The following CPA3 variants were observed in gnomAD, a reference collection of about 807,000 sequenced individuals.
The protein encoded by CPA3 is mast cell carboxypeptidase A.
Under a neutral mutation model 55.8 loss-of-function variants are expected in CPA3, and 52 were observed. The observed-to-expected ratio is 0.93, with a 90% CI of 0.75 to 1.17. The LOEUF (loss-of-function observed/expected upper bound fraction) is 1.17, where lower values mean the gene tolerates loss of function less well. Among genes scored for constraint, CPA3 ranks in the 50% most tolerant of loss-of-function variants. The probability of loss-of-function intolerance (pLI) is 0.00; values close to 1 mark genes in which losing one functional copy is unlikely to be tolerated. For synonymous variants in CPA3, 179 were observed against 171.2 expected (o/e 1.05, Z -0.36); for missense variants, 547 against 509.1 (o/e 1.07, Z -0.72).
intron 3 of CPA3, among the ~76,000 whole-genome samples, chr3:148,877,787 C>A (rs913883750): frequency 6.6e-6 from 1 of 152,140 alleles, no homozygotes; most frequent in Admixed American, 6.5e-5. Context: ...GTGCTAAGTA[C>A]CTGCTTACTA....
chr3:148,887,205 T>C (rs71304427), intron 10 of CPA3, among the ~76,000 whole-genome samples: 5,278 of 152,278 alleles, frequency 0.035, 170 homozygotes, highest in East Asian at 0.14. Context: ...CGGAGAATCA[T>C]AGCTCAAAAA....
intron 2 of CPA3, among the ~76,000 whole-genome samples, chr3:148,866,685 G>A (rs1178484688): frequency 6.6e-6 from 1 of 152,172 alleles, no homozygotes; most frequent in African/African-American, 2.4e-5. Context: ...TCCTAGGGTT[G>A]CTACAAAGAC....
At chr3:148,896,339 CCAAAGT>C (rs1278251960) in intron 10 of CPA3, among the ~76,000 whole-genome samples, 175 bp from the exon 11 acceptor site, 2 of 152,164 alleles carry the variant, frequency 1.3e-5, no homozygotes, top group Non-Finnish European at 2.9e-5. Context: ...TGGGTGGATT[CCAAAGT>C]CATGATTATG....
chr3:148,878,415 T>C (rs751779500), intron 3 of CPA3, 26 bp from the exon 4 acceptor site: 1 of 1,430,306 alleles, frequency 7.0e-7, no homozygotes, highest in Non-Finnish European at 9.9e-7. Flanking sequence ...ATAAAACATG[T>C]ATTTTATCAT....
intron 10 of CPA3, among the ~76,000 whole-genome samples, chr3:148,889,843 C>T (rs1416600405): frequency 2.4e-5 from 3 of 123,620 alleles, no homozygotes; most frequent in African/African-American, 9.4e-5. Context: ...GCACTTCAGC[C>T]TGGGTGAAAG....
At chr3:148,878,581 C>G (rs368273938) in intron 4 of CPA3, 38 bp downstream of exon 4, 7 of 1,560,158 alleles carry the variant, frequency 4.5e-6, no homozygotes, top group African/African-American at 1.4e-5. Flanking sequence ...TTTAAGTTAC[C>G]CTTAATATTT....
intron 9 of CPA3, among the ~76,000 whole-genome samples, chr3:148,885,766 A>G (rs2108037274): frequency 6.6e-6 from 1 of 152,192 alleles, no homozygotes; most frequent in South Asian, 2.1e-4. Context: ...TTAACCATTT[A>G]TTTTATTTTG....
intron 6 of CPA3, among the ~76,000 whole-genome samples, chr3:148,880,208 T>G (rs569043794): frequency 2.0e-5 from 3 of 152,196 alleles, no homozygotes; most frequent in Non-Finnish European, 4.4e-5. Flanking sequence ...AATGTAACTT[T>G]TCTTCAATGA....
intron 9 of CPA3, among the ~76,000 whole-genome samples, chr3:148,884,803 C>A (rs564555550): frequency 1.3e-5 from 2 of 150,958 alleles, no homozygotes; most frequent in East Asian, 3.9e-4. Flanking sequence ...TACCAATGTA[C>A]AGCACTGTGA....
intron 10 of CPA3, among the ~76,000 whole-genome samples, chr3:148,887,922 A>G (rs796663751): frequency 2.8e-4 from 43 of 152,306 alleles, no homozygotes; most frequent in African/African-American, 9.1e-4. Context: ...GTGAGTTGAA[A>G]CCACAACAGT....
chr3:148,883,784 C>T lies in CPA3; in HGVS notation c.950C>T (p.Thr317Ile), dbSNP rs142588358. ...ATGCTATTGTTTCCCTATGGATATA[C>T]ATCAAAACTGCCACCTAACCATGAG... ...SQMLLFPYGY[T>I]SKLPPNHEDL... The change falls in exon 9 of 11, where the codon ACA becomes ATA. Residue 317 changes from threonine to isoleucine, a missense_variant. Coordinates refer to ENST00000296046, the MANE Select transcript of CPA3 (RefSeq NM_001870.4). 1,288 of 1,614,032 alleles carry T rather than the reference C, an allele frequency of 8.0e-4. 10 individuals are homozygous for T. In the South Asian group the frequency reaches 9.3e-3, roughly 12 times the overall value.
rs1335907788 is a variant in CPA3 at position 148,868,961 on chromosome 3, T to C, written c.191T>C (p.Met64Thr). Residue 64 changes from methionine to threonine, a missense_variant, in exon 3 of 11, where the codon ATG becomes ACG. By Grantham distance (81) the Met-to-Thr change is moderately conservative. Coordinates refer to ENST00000296046, the MANE Select transcript of CPA3 (RefSeq NM_001870.4). Reference sequence around the variant, plus strand: ...GCCACCCACCACGTAGCTGCTAATATGATGGTGGATTTCCGAGTTAGTGAG... The same window carrying C: ...GCCACCCACCACGTAGCTGCTAATACGATGGTGGATTTCCGAGTTAGTGAG... ...PGATHHVAAN[M>T]MVDFRVSEKE... The C allele has an allele frequency of 4.3e-6, 7 of 1,614,102 alleles. No individual in the cohort carries two copies. In the African/African-American group the frequency reaches 5.3e-5, roughly 12 times the overall value.
chr3:148,874,717 A>C (rs1489081384), intron 3 of CPA3, among the ~76,000 whole-genome samples: 1 of 152,242 alleles, frequency 6.6e-6, no homozygotes, highest in African/African-American at 2.4e-5. Flanking sequence ...TGTGTTCCAC[A>C]TCAGAACTCA....
intron 6 of CPA3, 167 bp from the exon 7 acceptor site, chr3:148,881,355 T>C (rs1576582578): frequency 4.1e-6 from 2 of 493,808 alleles, no homozygotes; most frequent in South Asian, 3.8e-5. Flanking sequence ...TAGGTTTTTT[T>C]CCCCTTTAAA....
At chr3:148,878,416 A>G (rs755072183) in intron 3 of CPA3, 25 bp from the exon 4 acceptor site, 3 of 1,448,758 alleles carry the variant, frequency 2.1e-6, no homozygotes, top group Non-Finnish European at 2.9e-6. Context: ...TAAAACATGT[A>G]TTTTATCATT....
At chr3:148,875,705 A>G (rs749392140) in intron 3 of CPA3, among the ~76,000 whole-genome samples, 1 of 152,216 alleles carries the variant, frequency 6.6e-6, no homozygotes, top group Non-Finnish European at 1.5e-5. Context: ...TAAGACAGAC[A>G]AGATTTTTTG....
intron 10 of CPA3, among the ~76,000 whole-genome samples, chr3:148,891,131 T>G (rs917659547): frequency 6.6e-6 from 1 of 152,208 alleles, no homozygotes; most frequent in Non-Finnish European, 1.5e-5. Context: ...AGCCTAGGTT[T>G]CTTCTTCGGT....
chr3:148,874,787 G>C (rs762521741), intron 3 of CPA3, among the ~76,000 whole-genome samples: 7 of 152,200 alleles, frequency 4.6e-5, no homozygotes, highest in Non-Finnish European at 8.8e-5. Context: ...AGCAGTGTCA[G>C]TGTCATAGCT....
intron 9 of CPA3, among the ~76,000 whole-genome samples, chr3:148,884,531 T>C (rs1410804814): frequency 6.6e-6 from 1 of 152,184 alleles, no homozygotes; most frequent in Admixed American, 6.5e-5. Flanking sequence ...TTGGCAAATA[T>C]AGCACTTTCA....
Sources: gnomAD v4.1 joint callset for allele counts (sites outside exome capture counted in the v4.1 genomes callset) on GRCh38, gnomAD v4.1.1 for gene constraint, MANE v1.5 for transcripts, NCBI Gene and HGNC (gene_info 2026-07-23, HGNC 2026-07-21) for gene names.